The following ROS1 variants were observed in gnomAD, a reference collection of about 807,000 sequenced individuals.
ROS1 encodes ROS proto-oncogene 1, receptor tyrosine kinase, also known as proto-oncogene tyrosine-protein kinase ROS.
ROS1 carries 263 observed loss-of-function variants against 273.5 expected under a neutral mutation model. That is an observed-to-expected ratio of 0.96 (90% CI 0.87 to 1.06). The LOEUF (loss-of-function observed/expected upper bound fraction) is 1.06, where lower values mean the gene tolerates loss of function less well. Among genes scored for constraint, ROS1 ranks in the 50% least tolerant of loss-of-function variants. ROS1 has a pLI of 0.00. For synonymous variants in ROS1, 1,008 were observed against 954.1 expected (o/e 1.06, Z -1.04); for missense variants, 2,833 against 2,751.1 (o/e 1.03, Z -0.67).
At position 117,355,085 on chromosome 6, in the gene ROS1, T is replaced by A. The variant is rs953079546; in HGVS notation, c.4126+1544A>T. 1.3e-4 allele frequency among the ~76,000 whole-genome samples: 20 copies of A among 152,116 alleles called. 1 individual carries two copies. The highest frequency in any genetic ancestry group is 4.8e-4 in the African/African-American group (20 of 41,424). Reference sequence around the variant, plus strand: ...GATGAAGAACTTGATCAGGTATCAGTGGTAGGGGGTTCTCCTAAACTGACT... The same window carrying A: ...GATGAAGAACTTGATCAGGTATCAGAGGTAGGGGGTTCTCCTAAACTGACT... On this transcript the variant is annotated intron_variant, in intron 26 of 43. Coordinates refer to ENST00000368507, the MANE Select transcript of ROS1 (RefSeq NM_001378902.1).
chr6:117,326,758 G>A (rs1776675143), intron 33 of ROS1, among the ~76,000 whole-genome samples: 1 of 152,118 alleles, frequency 6.6e-6, no homozygotes, highest in African/African-American at 2.4e-5. Flanking sequence ...TAACTGGGAA[G>A]TTTCCATTTT....
At chr6:117,421,907 A>C (rs1225347782) in intron 1 of ROS1, among the ~76,000 whole-genome samples, 1 of 152,294 alleles carries the variant, frequency 6.6e-6, no homozygotes, top group Admixed American at 6.5e-5. Context: ...AGGCTTCTTA[A>C]GGCATTTCTA....
chr6:117,412,560 A>C (rs1253082092), intron 4 of ROS1, among the ~76,000 whole-genome samples: 2 of 151,544 alleles, frequency 1.3e-5, no homozygotes, highest in African/African-American at 4.9e-5. Flanking sequence ...AAAGGTGTGG[A>C]TAACTGAGGT....
intron 43 of ROS1, among the ~76,000 whole-genome samples, chr6:117,289,989 T>C (rs1010716192): frequency 6.6e-6 from 1 of 152,140 alleles, no homozygotes; most frequent in Non-Finnish European, 1.5e-5. Context: ...AGTAGTACAG[T>C]AATCCAATAA....
rs773012250 is a variant in ROS1, at chr6:117,308,792, A to C, written c.6551+2T>G. 6.2e-7 allele frequency: 1 copy of C among 1,612,154 alleles called. No homozygotes were observed. The highest frequency in any genetic ancestry group is 8.5e-7 in the Non-Finnish European group (1 of 1,179,192). ...ATACATATGTTAACATAATTAACTTACAGATCATCAGGACAATTTCTTGGT... is the reference window on the plus strand; with the variant it reads ...ATACATATGTTAACATAATTAACTTCCAGATCATCAGGACAATTTCTTGGT... On this transcript the variant is annotated splice_donor_variant, in intron 42 of 43. Coordinates refer to ENST00000368507, the MANE Select transcript of ROS1 (RefSeq NM_001378902.1). LOFTEE classifies it high-confidence loss of function.
rs748148750 is a variant in ROS1 at position 117,366,208 on chromosome 6, G to A, written c.2665C>T (p.Arg889Trp). ...SQNALMYYSG[R>W]LFWINGFRII... ...CTAAAGCCATTGATCCAGAACAGCC[G>A]ACCACTATAGTACATCAGTGCATTC... The change falls in exon 19 of 44, where the codon CGG (arginine) becomes TGG (tryptophan). Residue 889 changes from arginine to tryptophan, a missense_variant. Transcript: ENST00000368507. 14 of 1,613,830 alleles carry A rather than the reference G, an allele frequency of 8.7e-6. No individual in the cohort carries two copies. The highest frequency in any genetic ancestry group is 8.3e-5 in the Admixed American group (5 of 59,968).
chr6:117,317,152 C>T lies in ROS1; in HGVS notation c.6108G>A (p.Arg2036=), dbSNP rs1310569609. Residue 2036 remains arginine (R), a synonymous_variant, in exon 39 of 44, where the codon CGG becomes CGA. Transcript: ENST00000368507. ...GDLLTYLRKA[R]MATFYGPLLT... is the part of the protein sequence containing the mutation. Reference sequence around the variant, plus strand: ...GATCCCAACTGCCTACCGTTGCCATCCGGGCTTTACGCAAATAAGTAAGAA... The same window carrying T: ...GATCCCAACTGCCTACCGTTGCCATTCGGGCTTTACGCAAATAAGTAAGAA... 1.9e-6 allele frequency: 3 copies of T among 1,612,780 alleles called. No individual in the cohort carries two copies. Among genetic ancestry groups the T allele is most frequent in the African/African-American group, 1.3e-5 (1 of 74,958 alleles).
chr6:117,355,942 A>G (rs1044015376), intron 26 of ROS1, among the ~76,000 whole-genome samples: 1 of 152,202 alleles, frequency 6.6e-6, no homozygotes, highest in Non-Finnish European at 1.5e-5. Context: ...TTAAATAACC[A>G]CATGTGGCTA....
intron 40 of ROS1, 99 bp from the exon 41 acceptor site, chr6:117,310,380 A>ATTTTTT (rs372650546): frequency 2.9e-6 from 2 of 682,078 alleles, no homozygotes; most frequent in Non-Finnish European, 4.5e-6. Context: ...AAGAGAAACT[A>ATTTTTT]TTTTTTTTTT....
At chr6:117,396,503 C>T (rs1388150577) in intron 8 of ROS1, among the ~76,000 whole-genome samples, 3 of 152,082 alleles carry the variant, frequency 2.0e-5, no homozygotes, top group Admixed American at 2.0e-4. Context: ...GCATGACCCC[C>T]ATTCTTCTCC....
intron 18 of ROS1, among the ~76,000 whole-genome samples, chr6:117,367,087 G>A (rs1364247103): frequency 6.6e-6 from 1 of 152,164 alleles, no homozygotes; most frequent in Non-Finnish European, 1.5e-5. Flanking sequence ...AATGCCTGAA[G>A]TATAAATTTG....
At chr6:117,367,279 T>C (rs1359753162) in intron 18 of ROS1, among the ~76,000 whole-genome samples, 1 of 151,554 alleles carries the variant, frequency 6.6e-6, no homozygotes, top group Non-Finnish European at 1.5e-5. Flanking sequence ...GGAAAGCCTA[T>C]TGCATTGAGG....
chr6:117,290,099 C>T (rs1384318247), intron 43 of ROS1, among the ~76,000 whole-genome samples: 3 of 152,266 alleles, frequency 2.0e-5, no homozygotes, highest in Middle Eastern at 6.8e-3. Flanking sequence ...AGTCTACCCA[C>T]TCATATCAGC....
intron 25 of ROS1, 45 bp from the exon 26 acceptor site, chr6:117,356,960 A>G: frequency 1.4e-6 from 2 of 1,467,252 alleles, no homozygotes; most frequent in South Asian, 1.2e-5. Context: ...AGTAAAATAC[A>G]TCATTTCAAA....
chr6:117,396,359 G>A (rs1003934894), intron 8 of ROS1, 95 bp from the exon 9 acceptor site: 2 of 876,266 alleles, frequency 2.3e-6, no homozygotes, highest in African/African-American at 3.3e-5. Flanking sequence ...TATTTAAAGG[G>A]TGATGTGGCA....
At position 117,383,531 on chromosome 6, in the gene ROS1, C is replaced by G. The variant is rs748383715; in HGVS notation, c.2290-23G>C. On this transcript the variant is annotated intron_variant, in intron 16 of 43. Coordinates refer to ENST00000368507, the MANE Select transcript of ROS1 (RefSeq NM_001378902.1). ...TATCTAAAAAACATAATTGTATGGC[C>G]AGTTAATGGCTTTCAAGTGACATTA... The G allele has an allele frequency of 6.5e-6, 10 of 1,538,174 alleles. No homozygotes were observed. In the East Asian group the frequency reaches 9.0e-5, roughly 14 times the overall value.
intron 16 of ROS1, 128 bp from the exon 17 acceptor site, chr6:117,383,636 C>A: frequency 1.3e-6 from 1 of 762,628 alleles, no homozygotes; most frequent in Non-Finnish European, 2.2e-6. Context: ...TAGTGATTGG[C>A]ACTATGTGCT....
intron 43 of ROS1, among the ~76,000 whole-genome samples, chr6:117,290,887 C>A (rs1773788679): frequency 6.6e-6 from 1 of 152,152 alleles, no homozygotes; most frequent in Non-Finnish European, 1.5e-5. Flanking sequence ...ATATCTCCAA[C>A]AACAACAATG....
chr6:117,389,928 T>C lies in ROS1; in HGVS notation c.1290-82A>G, dbSNP rs755918128. On this transcript the variant is annotated intron_variant, in intron 12 of 43. Coordinates refer to ENST00000368507, the MANE Select transcript of ROS1 (RefSeq NM_001378902.1). ...CTCCTCAGCTAATTGCTTCATTCTG[T>C]TGCACAATCAGAACTATGTATCTCT... 374 of 1,252,386 alleles carry C rather than the reference T, an allele frequency of 3.0e-4. 2 individuals carry two copies. Among genetic ancestry groups the C allele is most frequent in the Admixed American group, 1.3e-3 (61 of 45,254 alleles). The allele number at this position is 1,252,386 out of a possible 1,614,324, so 77.6% of individuals were successfully genotyped here.
Sources: gnomAD v4.1 joint callset for allele counts (sites outside exome capture counted in the v4.1 genomes callset) on GRCh38, gnomAD v4.1.1 for gene constraint, MANE v1.5 for transcripts, NCBI Gene and HGNC (gene_info 2026-07-23, HGNC 2026-07-21) for gene names.